SYK: variants seen among roughly 807,000 people sequenced by gnomAD.
SYK encodes the protein tyrosine-protein kinase SYK.
A neutral mutation model predicts 77.8 loss-of-function variants in SYK; 16 were observed. That is an observed-to-expected ratio of 0.21 (90% CI 0.14 to 0.31). The LOEUF is 0.31. Among genes scored for constraint, SYK ranks in the 10% least tolerant of loss-of-function variants. The pLI, the probability that SYK is intolerant of heterozygous loss-of-function variation, is 1.00. For missense variants in SYK, 529 were observed against 814.4 expected, an observed-to-expected ratio of 0.65 and a Z score of 4.26; for synonymous variants, 312 against 308.7, an observed-to-expected ratio of 1.01 and a Z score of -0.11.
chr9:90,888,757 ACG>A, intron 13 of SYK, 130 bp downstream of exon 13: 1 of 694,152 alleles, frequency 1.4e-6, no homozygotes, highest in Non-Finnish European at 2.3e-6. Context: ...TAAACAAACA[ACG>A]GTGGGGGCTG....
Position 90,866,999 on chromosome 9 carries a change from A to G in SYK, c.847-132A>G, listed in dbSNP as rs1827523491. On this transcript the variant is annotated intron_variant, in intron 6 of 13. Coordinates refer to ENST00000375754, the MANE Select transcript of SYK (RefSeq NM_003177.7). ...AATGATCAGGTGTTGCCCGTGGTCG[A>G]TCTCATTGGCAGGGACAGGAGGGGG... The G allele has an allele frequency of 5.6e-6, 5 of 897,630 alleles. No individual in the cohort carries two copies. In the East Asian group the frequency reaches 9.8e-5, roughly 18 times the overall value. 55.6% of individuals were successfully genotyped at this position (897,630 alleles called of 1,614,324 possible).
At chr9:90,879,455 G>A (rs1435003461) in intron 11 of SYK, among the ~76,000 whole-genome samples, 1 of 152,226 alleles carries the variant, frequency 6.6e-6, no homozygotes, top group African/African-American at 2.4e-5. Context: ...AGCTATTGGA[G>A]CTTGGAGCTC....
At chr9:90,816,047 T>A (rs2118355889) in intron 1 of SYK, among the ~76,000 whole-genome samples, 1 of 152,326 alleles carries the variant, frequency 6.6e-6, no homozygotes, top group East Asian at 1.9e-4. Context: ...CAGCTGGAGC[T>A]TTTCATTGTT....
intron 1 of SYK, among the ~76,000 whole-genome samples, chr9:90,842,493 GTGTA>G: frequency 6.6e-6 from 1 of 151,706 alleles, no homozygotes; most frequent in East Asian, 1.9e-4. Context: ...TTGTGTGTAT[GTGTA>G]TGTGTGTGGG....
At chr9:90,861,353 A>G (rs965594394) in intron 3 of SYK, among the ~76,000 whole-genome samples, 1 of 152,102 alleles carries the variant, frequency 6.6e-6, no homozygotes, top group African/African-American at 2.4e-5. Flanking sequence ...TACCATGAAG[A>G]CAGAGCCTTG....
chr9:90,804,956 T>TA (rs1238829544), intron 1 of SYK, among the ~76,000 whole-genome samples: 2 of 12,806 alleles, frequency 1.6e-4, no homozygotes, highest in Admixed American at 1.5e-3. Flanking sequence ...CAATTTGAGG[T>TA]TTTTTTTTCC....
chr9:90,813,064 T>C (rs1463604041), intron 1 of SYK, among the ~76,000 whole-genome samples: 1 of 152,246 alleles, frequency 6.6e-6, no homozygotes. Context: ...CTTTAAGATT[T>C]TTTTTTAACA....
chr9:90,857,659 C>T (rs1296445589), intron 3 of SYK, among the ~76,000 whole-genome samples: 1 of 152,192 alleles, frequency 6.6e-6, no homozygotes, highest in Non-Finnish European at 1.5e-5. Context: ...TGGCATTTCT[C>T]CTGCCTCTTG....
chr9:90,840,576 A>C (rs1826267365), intron 1 of SYK, among the ~76,000 whole-genome samples: 1 of 149,788 alleles, frequency 6.7e-6, no homozygotes, highest in African/African-American at 2.5e-5. Flanking sequence ...AAAAAAAAAA[A>C]CTGTAGAAAG....
intron 11 of SYK, among the ~76,000 whole-genome samples, chr9:90,883,017 G>A (rs1410939308): frequency 6.6e-6 from 1 of 152,102 alleles, no homozygotes; most frequent in Admixed American, 6.5e-5. Flanking sequence ...CTCCATAGAG[G>A]GAACTCACGC....
At chr9:90,802,392 A>G (rs768299679) in intron 1 of SYK, among the ~76,000 whole-genome samples, 4 of 152,234 alleles carry the variant, frequency 2.6e-5, no homozygotes, top group Non-Finnish European at 5.9e-5. Context: ...ATCTTTTACT[A>G]CAAAAAGAAA....
chr9:90,865,363 A>G (rs1206874552), intron 6 of SYK, among the ~76,000 whole-genome samples: 1 of 150,290 alleles, frequency 6.7e-6, no homozygotes, highest in African/African-American at 2.5e-5. Context: ...ACTGGAGTGC[A>G]CTGGTGCAAT....
intron 1 of SYK, among the ~76,000 whole-genome samples, chr9:90,809,900 TC>T (rs1825011703): frequency 1.3e-5 from 2 of 152,004 alleles, no homozygotes; most frequent in Non-Finnish European, 1.5e-5. Context: ...CCCGTTTCCC[TC>T]CTGTTATGGA....
At chr9:90,817,685 G>C (rs989982902) in intron 1 of SYK, among the ~76,000 whole-genome samples, 3 of 152,068 alleles carry the variant, frequency 2.0e-5, no homozygotes, top group African/African-American at 7.2e-5. Flanking sequence ...TTTTTCTCAT[G>C]AAAGTCCTTT....
chr9:90,894,787 A>G (rs1001879296), intron 13 of SYK, among the ~76,000 whole-genome samples: 16 of 152,246 alleles, frequency 1.1e-4, no homozygotes, highest in African/African-American at 3.9e-4. Flanking sequence ...TCTGTACAGG[A>G]TGTCTGTGTA....
Position 90,877,751 on chromosome 9 carries a change from T to C in SYK, c.1362T>C (p.Gly454=). The C allele has an allele frequency of 6.2e-7, 1 of 1,614,146 alleles. No individual in the cohort carries two copies. The highest frequency in any genetic ancestry group is 8.5e-7 in the Non-Finnish European group (1 of 1,180,010). Residue 454 remains glycine, a synonymous_variant, in exon 10 of 14, where the codon GGT becomes GGC. Transcript: ENST00000375754. ...WMLVMEMAEL[G]PLNKYLQQNR... Reference sequence around the variant, plus strand: ...TGGTTATGGAGATGGCAGAACTTGGTCCCCTCAATAAGTATTTGCAGCAGA... The same window carrying C: ...TGGTTATGGAGATGGCAGAACTTGGCCCCCTCAATAAGTATTTGCAGCAGA...
rs201516360 is a variant in SYK at position 90,887,790 on chromosome 9, G to T, written c.1623G>T (p.Pro541=). 18 of 1,613,406 alleles carry T rather than the reference G, an allele frequency of 1.1e-5. No individual in the cohort carries two copies. Among genetic ancestry groups the T allele is most frequent in the Non-Finnish European group, 1.5e-5 (18 of 1,179,768 alleles). Residue 541 remains proline (P), a synonymous_variant, in exon 12 of 14, where the codon CCG becomes CCT. Transcript: ENST00000375754. ...HGKWPVKWYA[P]ECINYYKFSS... ...AGTGGCCTGTCAAGTGGTACGCTCC[G>T]GAATGCATCAACTACTACAAGTTCT...
chr9:90,837,162 G>T (rs768662940), intron 1 of SYK, among the ~76,000 whole-genome samples: 1 of 152,084 alleles, frequency 6.6e-6, no homozygotes, highest in Non-Finnish European at 1.5e-5. Flanking sequence ...TACAGGGTGG[G>T]TGGTCAGCAT....
chr9:90,849,556 C>T (rs1166947785), intron 3 of SYK, among the ~76,000 whole-genome samples: 1 of 152,192 alleles, frequency 6.6e-6, no homozygotes, highest in African/African-American at 2.4e-5. Flanking sequence ...GGGATTCTTG[C>T]ACCTCTTTCT....
Sources: allele counts gnomAD v4.1 joint callset (sites outside exome capture counted in the v4.1 genomes callset), GRCh38; gene constraint gnomAD v4.1.1; transcripts MANE v1.5; gene names NCBI Gene and HGNC (gene_info 2026-07-23, HGNC 2026-07-21).